NPC2: variants seen among roughly 807,000 people sequenced by gnomAD.
NPC2 encodes Niemann-Pick disease type C2 protein.
Under a neutral mutation model 17.0 loss-of-function variants are expected in NPC2, and 14 were observed. The ratio of observed to expected loss-of-function variants is 0.82; its 90% CI spans 0.54 to 1.29. The LOEUF is 1.29. Among genes scored for constraint, NPC2 ranks in the 50% most tolerant of loss-of-function variants. The pLI is 0.00. For synonymous variants in NPC2, 75 were observed against 69.3 expected (o/e 1.08, Z -0.41); for missense variants, 167 against 183.4 (o/e 0.91, Z 0.52).
chr14:74,485,067 G>C (rs1296689117), intron 2 of NPC2, among the ~76,000 whole-genome samples: 2 of 152,022 alleles, frequency 1.3e-5, no homozygotes, highest in African/African-American at 4.8e-5. Flanking sequence ...GGCTGAGGCG[G>C]GTGGATCATC....
In NPC2 at chr14:74,486,393, G is replaced by T; in HGVS notation, c.126C>A (p.Cys42Ter). 1.2e-6 allele frequency: 2 copies of T among 1,604,952 alleles called. No homozygotes were observed. Among genetic ancestry groups the T allele is most frequent in the South Asian group, 2.2e-5 (2 of 88,916 alleles). Residue 42 changes from cysteine (C) to a stop codon, truncating the protein, a stop_gained, in exon 2 of 5, where the codon TGC (cysteine) becomes TGA (stop). Coordinates refer to ENST00000555619, the MANE Select transcript of NPC2 (RefSeq NM_006432.5). LOFTEE classifies it high-confidence loss of function. Reference sequence around the variant, plus strand: ...TGCTCAGCTGGCAGGGTTGGGTGGGGCATGGGCTCACATTCACTTCCTTTA... The same window carrying T: ...TGCTCAGCTGGCAGGGTTGGGTGGGTCATGGGCTCACATTCACTTCCTTTA... ...GVIKEVNVSPCPTQPCQLSKG... is the reference protein window; with the variant it reads ...GVIKEVNVSP
At chr14:74,480,597 A>C in intron 4 of NPC2, 105 bp downstream of exon 4, 1 of 958,596 alleles carries the variant, frequency 1.0e-6, no homozygotes, top group Non-Finnish European at 1.7e-6. Flanking sequence ...ATAAAACAGC[A>C]GTCTTGAAAT....
At position 74,480,683 on chromosome 14, in the gene NPC2, C is replaced by T. The variant is rs1407136030; in HGVS notation, c.441+19G>A. On this transcript the variant is annotated intron_variant, in intron 4 of 4. Coordinates refer to ENST00000555619, the MANE Select transcript of NPC2 (RefSeq NM_006432.5). ...TTTCTTCCCTCCACCCATGCCCTCT[C>T]ACCCCCAGATAGACTTACGATCTGT... 1 of 1,604,202 alleles carries T rather than the reference C, an allele frequency of 6.2e-7. No homozygotes were observed. Among genetic ancestry groups the T allele is most frequent in the South Asian group, 1.1e-5 (1 of 90,868 alleles).
At position 74,484,773 on chromosome 14, in the gene NPC2, A is replaced by AAAC. The variant is rs1555345901; in HGVS notation, c.191-187_191-186insGTT. On this transcript the variant is annotated intron_variant, in intron 2 of 4. Transcript: ENST00000555619. ...AATTATGCAAAAAAAAAAAAAAAAA[A>AAAC]AAAAACAATCAGCAGAAGTTTTCTT... Among the ~76,000 whole-genome samples, 2,019 of 145,662 alleles carry AAAC rather than the reference A, an allele frequency of 0.014. 57 individuals are homozygous for AAAC. The highest frequency in any genetic ancestry group is 0.048 in the African/African-American group (1,838 of 38,046).
intron 1 of NPC2, among the ~76,000 whole-genome samples, chr14:74,492,298 G>T (rs1302781311): frequency 6.6e-6 from 1 of 152,098 alleles, no homozygotes. Flanking sequence ...TGATAAATCC[G>T]CTCTGTCTAG....
chr14:74,488,542 C>T (rs955422476), intron 1 of NPC2, among the ~76,000 whole-genome samples: 2 of 152,164 alleles, frequency 1.3e-5, no homozygotes, highest in South Asian at 2.1e-4. Context: ...GGTGAAACCT[C>T]GTCTCTAATA....
At chr14:74,487,356 C>T (rs7149930) in intron 1 of NPC2, among the ~76,000 whole-genome samples, 56,140 of 150,504 alleles carry the variant, frequency 0.37, 11,150 homozygotes, top group South Asian at 0.44. Flanking sequence ...CAGCCTCAAC[C>T]GTCCCAGGCT....
Position 74,492,801 on chromosome 14 carries a change from G to T in NPC2, c.82+392C>A, listed in dbSNP as rs1475049296. On this transcript the variant is annotated intron_variant, in intron 1 of 4. Coordinates refer to ENST00000555619, the MANE Select transcript of NPC2 (RefSeq NM_006432.5). ...CAGCAAAAACGAAATTAAAAGAAAA[G>T]CAAAAGGAGTTGGAAGGGGGAGGCG... 2.0e-5 allele frequency among the ~76,000 whole-genome samples: 3 copies of T among 152,300 alleles called. No homozygotes were observed. In the South Asian group the frequency reaches 6.2e-4, roughly 32 times the overall value.
intron 1 of NPC2, among the ~76,000 whole-genome samples, chr14:74,489,092 T>C (rs1236993731): frequency 1.8e-4 from 28 of 152,228 alleles, no homozygotes; most frequent in Non-Finnish European, 2.9e-5. Flanking sequence ...GTACAGAGGT[T>C]AAGGTCTTTA....
chr14:74,482,077 T>C (rs1266905740), intron 3 of NPC2, among the ~76,000 whole-genome samples: 2 of 152,196 alleles, frequency 1.3e-5, no homozygotes, highest in African/African-American at 2.4e-5. Context: ...ATAACTACCA[T>C]ACATTAAGTA....
chr14:74,480,007 CA>C lies in NPC2; in HGVS notation c.*266del. 2.1e-6 allele frequency: 3 copies of C among 1,429,376 alleles called. No individual in the cohort carries two copies. The highest frequency in any genetic ancestry group is 2.7e-6 in the Non-Finnish European group (3 of 1,093,554). 88.5% of individuals were successfully genotyped at this position (1,429,376 alleles called of 1,614,324 possible). ...AATTTCCAGGTGTAGAAAGAGGCCA[CA>C]AGTTAATGTTGTTAAAAAAAAAATT... is the stretch of plus-strand genomic sequence containing the variant. On this transcript the variant is annotated 3_prime_UTR_variant, in exon 5 of 5. Transcript: ENST00000555619.
intron 1 of NPC2, among the ~76,000 whole-genome samples, chr14:74,488,847 C>T (rs1246417164): frequency 7.2e-5 from 11 of 152,280 alleles, no homozygotes; most frequent in African/African-American, 2.4e-4. Flanking sequence ...AAACCACCTA[C>T]CATCTCTGAA....
intron 2 of NPC2, 57 bp from the exon 3 acceptor site, chr14:74,484,644 A>C (rs1194783689): frequency 5.0e-6 from 8 of 1,594,568 alleles, no homozygotes; most frequent in Non-Finnish European, 6.9e-6. Context: ...TCAAACTCTA[A>C]ATCAAAAATT....
chr14:74,482,503 G>C (rs1021732851), intron 3 of NPC2, among the ~76,000 whole-genome samples: 1 of 152,168 alleles, frequency 6.6e-6, no homozygotes, highest in Non-Finnish European at 1.5e-5. Context: ...CAGAAAGAAG[G>C]CTGGAAAAAG....
chr14:74,490,174 A>G lies in NPC2; in HGVS notation c.82+3019T>C, dbSNP rs140894429. 9.8e-4 allele frequency among the ~76,000 whole-genome samples: 150 copies of G among 152,360 alleles called. 4 individuals carry two copies. The East Asian group carries it at 0.027, about 28-fold the overall frequency. ...GTTGAGAGTACATTATCTGCTATGC[A>G]GTCAGTCACCAGATTAGCTCAGTAC... On this transcript the variant is annotated intron_variant, in intron 1 of 4. Transcript: ENST00000555619.
At chr14:74,483,380 A>T (rs1205516608) in intron 3 of NPC2, 1 of 1,445,526 alleles carries the variant, frequency 6.9e-7, no homozygotes, top group Non-Finnish European at 9.7e-7. Flanking sequence ...GAACTGTGCC[A>T]TTTTAGAATA....
At chr14:74,482,920 A>T (rs554162977) in intron 3 of NPC2, 11 of 479,356 alleles carry the variant, frequency 2.3e-5, no homozygotes, top group African/African-American at 2.2e-4. Context: ...AGGGAGGAGG[A>T]GGTGGAGGAG....
Position 74,480,114 on chromosome 14 carries a change from G to A in NPC2, c.*160C>T, listed in dbSNP as rs970346119. The A allele has an allele frequency of 3.2e-6, 5 of 1,555,854 alleles. No homozygotes were observed. Among genetic ancestry groups the A allele is most frequent in the Non-Finnish European group, 4.3e-6 (5 of 1,154,396 alleles). ...GACATGAGACAACCACTGAGAACCA[G>A]CCACCCGGAGCTCAGTTTCTGCTAC... is the stretch of plus-strand genomic sequence containing the variant. On this transcript the variant is annotated 3_prime_UTR_variant, in exon 5 of 5. Transcript: ENST00000555619.
intron 3 of NPC2, 114 bp from the exon 4 acceptor site, chr14:74,480,893 C>G: frequency 1.1e-6 from 1 of 898,776 alleles, no homozygotes; most frequent in Non-Finnish European, 1.9e-6. Context: ...ACTCCTCATA[C>G]TTTTTTTCTT....
Sources: gnomAD v4.1 joint callset for allele counts (sites outside exome capture counted in the v4.1 genomes callset) on GRCh38, gnomAD v4.1.1 for gene constraint, MANE v1.5 for transcripts, NCBI Gene and HGNC (gene_info 2026-07-23, HGNC 2026-07-21) for gene names.